Variants in EWSR1 observed in about 807,000 individuals in gnomAD.
EWSR1 encodes RNA-binding protein EWS.
In EWSR1, 14 loss-of-function variants were observed where a neutral mutation model predicts 92.1. That is an observed-to-expected ratio of 0.15 (90% CI 0.10 to 0.24). EWSR1 has a LOEUF of 0.24. EWSR1 is among the 10% of genes least tolerant of loss of function. EWSR1 has a pLI of 1.00. For synonymous variants in EWSR1, 303 were observed against 292.9 expected (o/e 1.03, Z -0.35); for missense variants, 637 against 870.9 (o/e 0.73, Z 3.38).
At chr22:29,273,946 T>A in intron 4 of EWSR1, 82 bp downstream of exon 4, 1 of 1,559,676 alleles carries the variant, frequency 6.4e-7, no homozygotes. Context: ...CTTTCGGATG[T>A]ATATTCTGGT....
At chr22:29,281,974 C>A (rs923731665) in intron 5 of EWSR1, among the ~76,000 whole-genome samples, 1 of 152,206 alleles carries the variant, frequency 6.6e-6, no homozygotes, top group African/African-American at 2.4e-5. Context: ...AATGTTACTT[C>A]AACCTAAAAC....
chr22:29,271,621 C>T (rs1262765658), intron 1 of EWSR1, among the ~76,000 whole-genome samples: 1 of 152,190 alleles, frequency 6.6e-6, no homozygotes, highest in Non-Finnish European at 1.5e-5. Context: ...TTTTAAGTTG[C>T]TGCACAAATA....
At chr22:29,286,000 G>T (rs1032785220) in intron 6 of EWSR1, among the ~76,000 whole-genome samples, 1 of 151,902 alleles carries the variant, frequency 6.6e-6, no homozygotes, top group Non-Finnish European at 1.5e-5. Flanking sequence ...ACCAGGCCTG[G>T]CTAATTTTTT....
rs1274744142 is a variant in EWSR1 at position 29,284,737 on chromosome 22, G to A, written c.581+2180G>A. The stretch of plus-strand genomic sequence containing the variant: ...CGAACTTCCTGGCCTAGTTTAATCG[G>A]ACTTTAAAATATGTGTCCTTACTGT... On this transcript the variant is annotated intron_variant, in intron 6 of 16. Transcript: ENST00000397938. 1.3e-5 allele frequency among the ~76,000 whole-genome samples: 2 copies of A among 151,270 alleles called. 1 individual carries two copies. The highest frequency in any genetic ancestry group is 4.9e-5 in the African/African-American group (2 of 40,580).
Position 29,278,197 on chromosome 22 carries a change from G to T in EWSR1, c.394G>T (p.Ala132Ser). ...TTATCCAGCCTATGGGCAGCAGCCA[G>T]CAGCCACTGCACCTACAAGGTAAGG... is the stretch of plus-strand genomic sequence containing the variant. ...PAYPAYGQQP[A>S]ATAPTRPQDG... The change falls in exon 5 of 17, where the codon GCA (alanine) becomes TCA (serine). Residue 132 changes from alanine to serine, a missense_variant. This residue lies in a region of EWSR1 where 144 missense variants were observed against 189.0 expected (regional missense o/e 0.76). Transcript: ENST00000397938. 6.2e-7 allele frequency: 1 copy of T among 1,613,514 alleles called. No homozygotes were observed. Among genetic ancestry groups the T allele is most frequent in the Non-Finnish European group, 8.5e-7 (1 of 1,179,910 alleles).
In EWSR1 at chr22:29,275,754, C is replaced by T. The variant is rs2059060776; in HGVS notation, c.226+1890C>T. 2.2e-5 allele frequency: 5 copies of T among 229,104 alleles called. No individual in the cohort carries two copies. The Admixed American group carries it at 2.3e-4, about 10-fold the overall frequency. The allele number at this position is 229,104 out of a possible 1,614,324, so 14.2% of individuals were successfully genotyped here. A position where few individuals can be genotyped will look rare whatever the true frequency, so the allele number is the denominator to read the frequency against. ...TCTAGGATTTTTAAAAATTAAACTT[C>T]AGAAGAAAGGGGTTATATAAACCTC... On this transcript the variant is annotated intron_variant, in intron 4 of 16. Coordinates refer to ENST00000397938, the MANE Select transcript of EWSR1 (RefSeq NM_005243.4).
rs182461368 is a variant in EWSR1, at chr22:29,299,045, C to T, written c.1580+150C>T. 1.4e-4 allele frequency: 189 copies of T among 1,321,232 alleles called. 1 individual carries two copies. Among genetic ancestry groups the T allele is most frequent in the East Asian group, 1.1e-3 (46 of 42,304 alleles). 81.8% of individuals were successfully genotyped at this position (1,321,232 alleles called of 1,614,324 possible). A position where few individuals can be genotyped will look rare whatever the true frequency, so the allele number is the denominator to read the frequency against. Reference sequence around the variant, plus strand: ...GGACACTAGTCAGCCATTCACTGGACGCTTCAGAGCCTTCTGAAGATTGAT... The same window carrying T: ...GGACACTAGTCAGCCATTCACTGGATGCTTCAGAGCCTTCTGAAGATTGAT... On this transcript the variant is annotated intron_variant, in intron 14 of 16. Coordinates refer to ENST00000397938, the MANE Select transcript of EWSR1 (RefSeq NM_005243.4).
intron 10 of EWSR1, 140 bp downstream of exon 10, chr22:29,292,309 G>A (rs2060497704): frequency 9.6e-7 from 1 of 1,039,140 alleles, no homozygotes; most frequent in Admixed American, 1.8e-5. Flanking sequence ...AATCCTATGT[G>A]AGCATCTACT....
intron 6 of EWSR1, among the ~76,000 whole-genome samples, chr22:29,282,875 G>A (rs141727679): frequency 0.015 from 2,245 of 150,604 alleles, 50 homozygotes; most frequent in African/African-American, 0.052. Context: ...CCATTCTCCT[G>A]CCTCAACCTC....
Position 29,292,144 on chromosome 22 carries a change from G to A in EWSR1, c.1020G>A (p.Met340Ile). ...ATCTTTCCTGGTTGGCAGGACCCAT[G>A]GATGAAGGACCAGATCTTGATCTAG... ...RGGFNKPGGP[M>I]DEGPDLDLGP... The change falls in exon 10 of 17, where the codon ATG (methionine) becomes ATA (isoleucine). Residue 340 changes from methionine (M) to isoleucine (I), a missense_variant. Coordinates refer to ENST00000397938, the MANE Select transcript of EWSR1 (RefSeq NM_005243.4). 6.2e-7 allele frequency: 1 copy of A among 1,613,988 alleles called. No individual in the cohort carries two copies. Among genetic ancestry groups the A allele is most frequent in the Non-Finnish European group, 8.5e-7 (1 of 1,179,856 alleles).
intron 1 of EWSR1, chr22:29,269,782 A>C (rs946327278): frequency 2.6e-5 from 4 of 152,370 alleles, no homozygotes; most frequent in African/African-American, 9.6e-5. Context: ...TAGGTGCCCT[A>C]TCCACCCTCT....
chr22:29,280,902 CAG>C (rs1194709987), intron 5 of EWSR1, among the ~76,000 whole-genome samples: 2 of 70,454 alleles, frequency 2.8e-5, no homozygotes, highest in South Asian at 4.7e-4. Context: ...TTTTTTTTGA[CAG>C]AGTCTTGCTC....
intron 3 of EWSR1, among the ~76,000 whole-genome samples, chr22:29,272,815 T>C (rs1232147918): frequency 1.3e-5 from 2 of 152,186 alleles, no homozygotes; most frequent in Admixed American, 6.5e-5. Context: ...AACTTGCCAG[T>C]GGTTGCACAG....
rs762856302 is a variant in EWSR1, at chr22:29,296,166, G to A, written c.1165-73G>A. 4.7e-6 allele frequency: 7 copies of A among 1,486,986 alleles called. No homozygotes were observed. The Admixed American group carries it at 1.2e-4, about 26-fold the overall frequency. 92.1% of individuals were successfully genotyped at this position (1,486,986 alleles called of 1,614,324 possible). ...CATGTGAGAAATTGGTACTTTTCCT[G>A]GATTTTGCCTGGACTTTTTTCTCCC... On this transcript the variant is annotated intron_variant, in intron 11 of 16. Transcript: ENST00000397938.
At chr22:29,286,132 C>A (rs1192962778) in intron 6 of EWSR1, among the ~76,000 whole-genome samples, 1 of 149,910 alleles carries the variant, frequency 6.7e-6, no homozygotes, top group African/African-American at 2.4e-5. Flanking sequence ...AGCCACCGCA[C>A]CCGGCCTGAT....
chr22:29,297,901 G>T lies in EWSR1; in HGVS notation c.1369G>T (p.Gly457Cys), dbSNP rs1160432020. The T allele has an allele frequency of 6.2e-7, 1 of 1,613,940 alleles. No individual in the cohort carries two copies. Among genetic ancestry groups the T allele is most frequent in the African/African-American group, 1.3e-5 (1 of 74,984 alleles). The change falls in exon 13 of 17, where the codon GGT (glycine) becomes TGT (cysteine). Residue 457 changes from glycine to cysteine, a missense_variant. This residue lies in a region of EWSR1 where 363 missense variants were observed against 447.8 expected (regional missense o/e 0.81). Transcript: ENST00000397938. ...KKPPMNSMRG[G>C]LPPREGRGMP... Reference sequence around the variant, plus strand: ...GCCTCCAATGAACAGTATGCGGGGTGGTCTGCCACCCCGTGAGGGCAGAGG... The same window carrying T: ...GCCTCCAATGAACAGTATGCGGGGTTGTCTGCCACCCCGTGAGGGCAGAGG...
chr22:29,273,597 G>T, intron 3 of EWSR1, 144 bp from the exon 4 acceptor site: 1 of 898,598 alleles, frequency 1.1e-6, no homozygotes, highest in East Asian at 2.7e-5. Context: ...GTGATTATTT[G>T]TCTTGTTTTG....
chr22:29,288,505 T>G, intron 7 of EWSR1, 101 bp from the exon 8 acceptor site: 1 of 1,165,334 alleles, frequency 8.6e-7, no homozygotes, highest in Non-Finnish European at 1.2e-6. Flanking sequence ...GGTGCCTTGG[T>G]TAGTGCCTTG....
chr22:29,281,286 A>G (rs1448287669), intron 5 of EWSR1, among the ~76,000 whole-genome samples: 1 of 151,834 alleles, frequency 6.6e-6, no homozygotes, highest in East Asian at 1.9e-4. Context: ...AAGTGCTGGG[A>G]TTATAGGCAT....
Sources: allele counts gnomAD v4.1 joint callset (sites outside exome capture counted in the v4.1 genomes callset), GRCh38; gene constraint gnomAD v4.1.1; regional missense constraint gnomAD v4.1.1; transcripts MANE v1.5; gene names NCBI Gene and HGNC (gene_info 2026-07-23, HGNC 2026-07-21).